NEK11: variants seen among roughly 807,000 people sequenced by gnomAD.
The protein encoded by NEK11 is NIMA related kinase 11, also known as serine/threonine-protein kinase Nek11.
Under a neutral mutation model 80.7 loss-of-function variants are expected in NEK11, and 72 were observed. The observed-to-expected ratio is 0.89, with a 90% CI of 0.74 to 1.08. The LOEUF is 1.08. Among genes scored for constraint, NEK11 ranks in the 50% least tolerant of loss-of-function variants. NEK11 has a pLI of 0.00. For missense variants in NEK11, 764 were observed against 763.6 expected, an observed-to-expected ratio of 1.00 and a Z score of -0.01; for synonymous variants, 251 against 260.7, an observed-to-expected ratio of 0.96 and a Z score of 0.36.
chr3:131,238,709 G>A (rs983233893), intron 15 of NEK11, among the ~76,000 whole-genome samples: 1 of 152,020 alleles, frequency 6.6e-6, no homozygotes, highest in Admixed American at 6.6e-5. Context: ...AGAGAGTGAG[G>A]GAAAGCTCCA....
chr3:131,252,599 T>C (rs929278384), intron 16 of NEK11, among the ~76,000 whole-genome samples: 1 of 152,136 alleles, frequency 6.6e-6, no homozygotes, highest in Non-Finnish European at 1.5e-5. Flanking sequence ...GATGACTTTT[T>C]GCATTTCAAG....
At chr3:131,303,785 T>C (rs1278706919) in intron 17 of NEK11, among the ~76,000 whole-genome samples, 2 of 152,188 alleles carry the variant, frequency 1.3e-5, no homozygotes, top group Non-Finnish European at 2.9e-5. Flanking sequence ...CTTTAGCATT[T>C]TTTCTTTCAT....
chr3:131,146,962 A>T (rs756678459), intron 7 of NEK11, among the ~76,000 whole-genome samples: 1 of 152,042 alleles, frequency 6.6e-6, no homozygotes, highest in South Asian at 2.1e-4. Context: ...TGAATTGCAA[A>T]TATCTTACAC....
chr3:131,214,192 G>A (rs2094733003), intron 14 of NEK11, among the ~76,000 whole-genome samples: 1 of 152,138 alleles, frequency 6.6e-6, no homozygotes, highest in African/African-American at 2.4e-5. Flanking sequence ...CTAAGATATT[G>A]GTCTAGTTTA....
At chr3:131,180,574 A>G (rs9842019) in intron 14 of NEK11, among the ~76,000 whole-genome samples, 65,752 of 151,992 alleles carry the variant, frequency 0.43, 16,765 homozygotes, top group Middle Eastern at 0.66. Context: ...TAAAAAAGGA[A>G]TGAGCTATAA....
intron 3 of NEK11, among the ~76,000 whole-genome samples, chr3:131,035,095 T>C (rs561009659): frequency 6.6e-6 from 1 of 152,340 alleles, no homozygotes; most frequent in Admixed American, 6.5e-5. Context: ...CTCATATGTC[T>C]GCCTGAGATA....
chr3:131,323,229 C>G (rs1024413507), intron 17 of NEK11, among the ~76,000 whole-genome samples: 3 of 152,230 alleles, frequency 2.0e-5, no homozygotes, highest in African/African-American at 7.2e-5. Flanking sequence ...TTAAAAAACT[C>G]AGCATTTCTA....
intron 17 of NEK11, among the ~76,000 whole-genome samples, chr3:131,336,322 C>T (rs1408155477): frequency 6.6e-6 from 1 of 152,148 alleles, no homozygotes; most frequent in Non-Finnish European, 1.5e-5. Context: ...CGCATTTCTA[C>T]AACTATCTGA....
intron 3 of NEK11, among the ~76,000 whole-genome samples, chr3:131,031,941 GT>G (rs1364991959): frequency 5.3e-5 from 8 of 151,040 alleles, no homozygotes; most frequent in Admixed American, 5.3e-4. Flanking sequence ...CCTGGGTAGT[GT>G]TTCTTTTTAG....
intron 7 of NEK11, among the ~76,000 whole-genome samples, chr3:131,134,754 T>C (rs894831059): frequency 6.6e-6 from 1 of 152,220 alleles, no homozygotes; most frequent in Admixed American, 6.5e-5. Context: ...GCATCTGAGA[T>C]GTCTCAGTTT....
intron 3 of NEK11, among the ~76,000 whole-genome samples, chr3:131,049,872 A>G (rs982538217): frequency 6.6e-6 from 1 of 152,196 alleles, no homozygotes; most frequent in South Asian, 2.1e-4. Context: ...TATAAATAAC[A>G]AAAACAATTT....
intron 3 of NEK11, among the ~76,000 whole-genome samples, chr3:131,047,942 G>A (rs1243194298): frequency 1.3e-5 from 2 of 152,104 alleles, no homozygotes; most frequent in Non-Finnish European, 2.9e-5. Context: ...TTCTTGGGTG[G>A]GGCTTGCTGT....
intron 12 of NEK11, among the ~76,000 whole-genome samples, chr3:131,167,968 T>C (rs2092378544): frequency 6.6e-6 from 1 of 152,250 alleles, no homozygotes; most frequent in Non-Finnish European, 1.5e-5. Flanking sequence ...GTTTATATAT[T>C]GATGGGGGCA....
chr3:131,238,715 C>G (rs916960803), intron 15 of NEK11, among the ~76,000 whole-genome samples: 1 of 152,058 alleles, frequency 6.6e-6, no homozygotes, highest in Non-Finnish European at 1.5e-5. Flanking sequence ...TGAGGGAAAG[C>G]TCCAGGTCAT....
chr3:131,044,442 A>AAAAAG, intron 3 of NEK11, among the ~76,000 whole-genome samples: 1 of 91,316 alleles, frequency 1.1e-5, no homozygotes, highest in Middle Eastern at 6.7e-3. Flanking sequence ...AAAAAAAAAA[A>AAAAAG]AGGTGGGGGG....
At position 131,164,661 on chromosome 3, in the gene NEK11, T is replaced by C. The variant is rs78627488; in HGVS notation, c.1083-765T>C. 4.9e-3 allele frequency among the ~76,000 whole-genome samples: 749 copies of C among 152,318 alleles called. 11 individuals carry two copies. Among genetic ancestry groups the C allele is most frequent in the African/African-American group, 0.017 (713 of 41,574 alleles). On this transcript the variant is annotated intron_variant, in intron 11 of 17. Coordinates refer to ENST00000383366, the MANE Select transcript of NEK11 (RefSeq NM_024800.5). ...ATCTTTCACATGATACACTAATATA[T>C]TTTTCTTATTTGAAAGTAATGGTTT...
chr3:131,203,761 GTGTGTGTATATATATATATATATATATA>G (rs2094341086), intron 14 of NEK11, among the ~76,000 whole-genome samples: 1 of 33,926 alleles, frequency 2.9e-5, no homozygotes, highest in African/African-American at 1.1e-4. Flanking sequence ...GTGTGTGTGT[GTGTGTGTATATATATATATATATATATA>G]TATATATATA....
intron 9 of NEK11, among the ~76,000 whole-genome samples, chr3:131,154,057 A>G (rs949616081): frequency 1.3e-5 from 2 of 152,072 alleles, no homozygotes; most frequent in African/African-American, 4.8e-5. Flanking sequence ...GGTAGGTACA[A>G]ATGGGAGGGT....
At chr3:131,283,963 T>G (rs2096437381) in intron 17 of NEK11, among the ~76,000 whole-genome samples, 2 of 152,194 alleles carry the variant, frequency 1.3e-5, no homozygotes, top group Middle Eastern at 3.2e-3. Flanking sequence ...AAGCAATTAA[T>G]TGAATTCTTC....
Sources: allele counts gnomAD v4.1 joint callset (sites outside exome capture counted in the v4.1 genomes callset), GRCh38; gene constraint gnomAD v4.1.1; transcripts MANE v1.5; gene names NCBI Gene and HGNC (gene_info 2026-07-23, HGNC 2026-07-21).